WSCD1: variants seen among roughly 807,000 people sequenced by gnomAD.
WSCD1 encodes sialate:O-sulfotransferase 1.
Under a neutral mutation model 60.4 loss-of-function variants are expected in WSCD1, and 41 were observed. The observed-to-expected ratio is 0.68, with a 90% CI of 0.53 to 0.88. WSCD1 has a LOEUF of 0.88. Ranked by LOEUF, WSCD1 falls within the 40% of genes least tolerant of loss-of-function variation. The pLI is 0.00. For missense variants in WSCD1, 784 were observed against 796.2 expected, an observed-to-expected ratio of 0.98 and a Z score of 0.18; for synonymous variants, 361 against 332.5, an observed-to-expected ratio of 1.09 and a Z score of -0.93.
intron 3 of WSCD1, among the ~76,000 whole-genome samples, chr17:6,089,645 T>C (rs760597379): frequency 4.6e-5 from 7 of 152,188 alleles, no homozygotes; most frequent in South Asian, 2.1e-4. Flanking sequence ...TCTAAAACCA[T>C]TGGGAGCTTA....
intron 5 of WSCD1, among the ~76,000 whole-genome samples, chr17:6,100,983 T>C (rs757677122): frequency 1.2e-4 from 19 of 152,194 alleles, no homozygotes; most frequent in Non-Finnish European, 2.6e-4. Context: ...TGTTTGGAAG[T>C]TGATCTGACC....
chr17:6,070,797 C>T, intron 1 of WSCD1, 145 bp downstream of exon 1: 1 of 151,366 alleles, frequency 6.6e-6, no homozygotes, highest in Non-Finnish European at 1.5e-5. Flanking sequence ...GGCGGGCTTG[C>T]CGGGGGCACC....
intron 2 of WSCD1, among the ~76,000 whole-genome samples, chr17:6,084,167 A>G (rs1909468144): frequency 6.6e-6 from 1 of 152,254 alleles, no homozygotes; most frequent in African/African-American, 2.4e-5. Flanking sequence ...TCCAGTGCCA[A>G]ATGGTGGCAA....
In WSCD1 at chr17:6,121,793, C is replaced by T. The variant is rs1904727303; in HGVS notation, c.*1132C>T. ...GCCTGACCCCTAGGTCTGGTCCTGC[C>T]AGCCTGGGATGGGGGTCAATGTATG... On this transcript the variant is annotated 3_prime_UTR_variant, in exon 9 of 9. Transcript: ENST00000317744. The T allele has an allele frequency of 1.3e-5, 2 of 152,248 alleles. No homozygotes were observed. The highest frequency in any genetic ancestry group is 2.9e-5 in the Non-Finnish European group (2 of 68,100). 9.4% of individuals were successfully genotyped at this position (152,248 alleles called of 1,614,324 possible). A position where few individuals can be genotyped will look rare whatever the true frequency, so the allele number is the denominator to read the frequency against.
Position 6,120,353 on chromosome 17 carries a change from C to T in WSCD1, c.1420C>T (p.His474Tyr). Residue 474 changes from histidine (H) to tyrosine (Y), a missense_variant, in exon 9 of 9, where the codon CAC becomes TAC. His to Tyr is a moderately conservative substitution (Grantham distance 83, BLOSUM62 2). Coordinates refer to ENST00000317744, the MANE Select transcript of WSCD1 (RefSeq NM_015253.2). Reference sequence around the variant, plus strand: ...CAGCTACGCCTCGTGGTGGTCCTCGCACGTCCTGGACTGGCTCAAGTACGG... The same window carrying T: ...CAGCTACGCCTCGTGGTGGTCCTCGTACGTCCTGGACTGGCTCAAGTACGG... The part of the protein sequence containing the change: ...VNSYASWWSS[H>Y]VLDWLKYGKR... 1 of 1,614,104 alleles carries T rather than the reference C, an allele frequency of 6.2e-7. No individual in the cohort carries two copies. The highest frequency in any genetic ancestry group is 1.1e-5 in the South Asian group (1 of 91,080).
At position 6,078,910 on chromosome 17, in the gene WSCD1, T is replaced by C. The variant is rs537740535; in HGVS notation, c.-288-1461T>C. Among the ~76,000 whole-genome samples, 9 of 152,166 alleles carry C rather than the reference T, an allele frequency of 5.9e-5. No individual in the cohort carries two copies. In the South Asian group the frequency reaches 1.9e-3, roughly 32 times the overall value. ...ACAAATCTGATGAGGTTGTCTGGGG[T>C]GGGCCTGGCAGACATATCAGCCTAG... On this transcript the variant is annotated intron_variant, in intron 1 of 8. Coordinates refer to ENST00000317744, the MANE Select transcript of WSCD1 (RefSeq NM_015253.2).
intron 7 of WSCD1, among the ~76,000 whole-genome samples, chr17:6,111,513 C>G (rs1159861583): frequency 6.6e-6 from 1 of 152,000 alleles, no homozygotes; most frequent in African/African-American, 2.4e-5. Context: ...CCAGCCTGAC[C>G]AATATGGTGA....
At chr17:6,103,307 C>T (rs1045862693) in intron 5 of WSCD1, among the ~76,000 whole-genome samples, 1 of 152,148 alleles carries the variant, frequency 6.6e-6, no homozygotes, top group Non-Finnish European at 1.5e-5. Context: ...TTCAGTGTCC[C>T]CTAGTTCTTT....
At chr17:6,116,690 G>A (rs1911700553) in intron 7 of WSCD1, among the ~76,000 whole-genome samples, 1 of 152,250 alleles carries the variant, frequency 6.6e-6, no homozygotes. Context: ...TAAGTTTGAA[G>A]CTTGTTGAGT....
intron 5 of WSCD1, among the ~76,000 whole-genome samples, chr17:6,103,206 CTT>C (rs1304965140): frequency 6.6e-6 from 1 of 152,180 alleles, no homozygotes; most frequent in Non-Finnish European, 1.5e-5. Flanking sequence ...GATTCAGTGA[CTT>C]TGTGGGCACG....
In WSCD1 at chr17:6,123,659, C is replaced by A. The variant is rs899914219; in HGVS notation, c.*2998C>A. On this transcript the variant is annotated 3_prime_UTR_variant, in exon 9 of 9. Transcript: ENST00000317744. ...TCTTGGGACACAGGTTTGTTTTCTG[C>A]TGACTTGCTCGGAAACCCATTGGAG... The A allele has an allele frequency of 6.6e-6, 1 of 152,184 alleles. No individual in the cohort carries two copies. Among genetic ancestry groups the A allele is most frequent in the African/African-American group, 2.4e-5 (1 of 41,432 alleles). 9.4% of individuals were successfully genotyped at this position (152,184 alleles called of 1,614,324 possible).
intron 5 of WSCD1, among the ~76,000 whole-genome samples, chr17:6,107,956 A>G (rs138033911): frequency 6.6e-6 from 1 of 152,290 alleles, no homozygotes; most frequent in African/African-American, 2.4e-5. Context: ...CCTATCATGC[A>G]CTGACTCACA....
chr17:6,096,249 G>A (rs1364218408), intron 5 of WSCD1, among the ~76,000 whole-genome samples: 3 of 152,186 alleles, frequency 2.0e-5, no homozygotes, highest in Non-Finnish European at 4.4e-5. Context: ...CCAGTAAGTG[G>A]TGGGGTCAGG....
chr17:6,118,267 C>T lies in WSCD1; in HGVS notation c.1375+79C>T. 1 of 1,425,366 alleles carries T rather than the reference C, an allele frequency of 7.0e-7. No homozygotes were observed. Among genetic ancestry groups the T allele is most frequent in the Non-Finnish European group, 9.6e-7 (1 of 1,037,448 alleles). The allele number at this position is 1,425,366 out of a possible 1,614,324, so 88.3% of individuals were successfully genotyped here. On this transcript the variant is annotated intron_variant, in intron 8 of 8. Coordinates refer to ENST00000317744, the MANE Select transcript of WSCD1 (RefSeq NM_015253.2). The surrounding 1 kb of genome is among the most constrained non-coding windows in gnomAD (Gnocchi z 5.8). Reference sequence around the variant, plus strand: ...CTCATCAGGATGCAGGATCAATTTACACAGGTAGGCACTGCAGGATGCAGG... The same window carrying T: ...CTCATCAGGATGCAGGATCAATTTATACAGGTAGGCACTGCAGGATGCAGG...
chr17:6,095,104 C>T lies in WSCD1; in HGVS notation c.730C>T (p.Arg244Trp), dbSNP rs750983945. The part of the protein sequence containing the change: ...DELQPGSRKR[R>W]TATYRGCFRL... ...GAAACCCCTCTCTTTTCCCCCAGGG[C>T]GGACCGCCACCTACCGCGGATGCTT... Residue 244 changes from arginine to tryptophan, a missense_variant and splice_region_variant, in exon 5 of 9, where the codon CGG (arginine) becomes TGG (tryptophan). Arg to Trp is a moderately radical substitution (Grantham distance 101, BLOSUM62 -3). Transcript: ENST00000317744. 2.2e-5 allele frequency: 35 copies of T among 1,609,544 alleles called. No homozygotes were observed. The highest frequency in any genetic ancestry group is 1.3e-4 in the African/African-American group (10 of 74,792).
At chr17:6,105,858 C>G (rs1227909884) in intron 5 of WSCD1, among the ~76,000 whole-genome samples, 1 of 152,142 alleles carries the variant, frequency 6.6e-6, no homozygotes, top group East Asian at 1.9e-4. Context: ...AGCAGAGCCC[C>G]CTCTGGGCTT....
chr17:6,073,679 G>C (rs1218881197), intron 1 of WSCD1, among the ~76,000 whole-genome samples: 1 of 152,208 alleles, frequency 6.6e-6, no homozygotes, highest in African/African-American at 2.4e-5. Context: ...GCTGGAAAAG[G>C]TTGCGACTGG....
rs1191108558 is a variant in WSCD1, at chr17:6,070,397, T to TCGCC, written c.-536_-533dup. 1 of 145,800 alleles carries TCGCC rather than the reference T, an allele frequency of 6.9e-6. No homozygotes were observed. The highest frequency in any genetic ancestry group is 1.5e-5 in the Non-Finnish European group (1 of 65,540). 9.0% of individuals were successfully genotyped at this position (145,800 alleles called of 1,614,324 possible). ...AGCATGTGCAGAGCCCGGCGCCCGC[T>TCGCC]CGCCCGCCCGCTGCCCGCCCCGGCT... is the stretch of plus-strand genomic sequence containing the variant. On this transcript the variant is annotated 5_prime_UTR_variant, in exon 1 of 9. Coordinates refer to ENST00000317744, the MANE Select transcript of WSCD1 (RefSeq NM_015253.2).
chr17:6,096,932 T>C (rs1910473849), intron 5 of WSCD1, among the ~76,000 whole-genome samples: 1 of 152,222 alleles, frequency 6.6e-6, no homozygotes, highest in Admixed American at 6.5e-5. Context: ...ACTAGGAGCC[T>C]TCCTGCGGGG....
Sources: gnomAD v4.1 joint callset for allele counts (sites outside exome capture counted in the v4.1 genomes callset) on GRCh38, gnomAD v4.1.1 for gene constraint, Gnocchi (gnomAD v3.1) non-coding constraint, MANE v1.5 for transcripts, NCBI Gene and HGNC (gene_info 2026-07-23, HGNC 2026-07-21) for gene names.